The following UBE2E2 variants were observed in gnomAD, a reference collection of about 807,000 sequenced individuals.
The protein encoded by UBE2E2 is ubiquitin conjugating enzyme E2 E2.
Under a neutral mutation model 24.7 loss-of-function variants are expected in UBE2E2, and 6 were observed. The ratio of observed to expected loss-of-function variants is 0.24; its 90% confidence interval spans 0.13 to 0.48. The LOEUF (loss-of-function observed/expected upper bound fraction) is 0.48. UBE2E2 is among the 20% of genes least tolerant of loss of function. UBE2E2 has a pLI of 0.99. For synonymous variants in UBE2E2, 104 were observed against 83.6 expected (o/e 1.24, Z -1.33); for missense variants, 169 against 245.0 (o/e 0.69, Z 2.07).
intron 3 of UBE2E2, among the ~76,000 whole-genome samples, chr3:23,495,526 G>A (rs1392243520): frequency 1.3e-5 from 2 of 152,130 alleles, no homozygotes; most frequent in Non-Finnish European, 2.9e-5. Flanking sequence ...AGCTGTATAC[G>A]CTCACCTGTG....
chr3:23,228,635 AT>A (rs1696890057), intron 3 of UBE2E2, among the ~76,000 whole-genome samples: 1 of 152,078 alleles, frequency 6.6e-6, no homozygotes, highest in African/African-American at 2.4e-5. Flanking sequence ...TGATTTTTGC[AT>A]TTTTGTTGTC....
intron 4 of UBE2E2, among the ~76,000 whole-genome samples, chr3:23,508,166 G>A (rs1424776698): frequency 6.6e-6 from 1 of 152,138 alleles, no homozygotes; most frequent in Non-Finnish European, 1.5e-5. Flanking sequence ...CTTAAATGTT[G>A]TGTGAAATCC....
chr3:23,316,248 G>T (rs1190706752), intron 3 of UBE2E2, among the ~76,000 whole-genome samples: 1 of 152,078 alleles, frequency 6.6e-6, no homozygotes, highest in Non-Finnish European at 1.5e-5. Context: ...CCATCCAAGA[G>T]CGAGGGCCCG....
rs115095185 is a variant in UBE2E2, at chr3:23,357,882, A to C, written c.227+140570A>C. 8.7e-3 allele frequency among the ~76,000 whole-genome samples: 1,331 copies of C among 152,294 alleles called. 28 individuals carry two copies. Among genetic ancestry groups the C allele is most frequent in the African/African-American group, 0.031 (1,290 of 41,548 alleles). ...GACACAAGGTCTCACGCTATCACCC[A>C]GGCTGGCATGCACTGGCACAATCAC... On this transcript the variant is annotated intron_variant, in intron 3 of 5. Coordinates refer to ENST00000396703, the MANE Select transcript of UBE2E2 (RefSeq NM_152653.4).
intron 3 of UBE2E2, among the ~76,000 whole-genome samples, chr3:23,437,154 C>T (rs1173160909): frequency 6.6e-6 from 1 of 152,202 alleles, no homozygotes; most frequent in Non-Finnish European, 1.5e-5. Context: ...CTTCCACTTC[C>T]CACACACGCC....
chr3:23,272,023 C>T (rs751589168), intron 3 of UBE2E2, among the ~76,000 whole-genome samples: 4 of 152,204 alleles, frequency 2.6e-5, no homozygotes, highest in Non-Finnish European at 4.4e-5. Context: ...TCCCGCACGG[C>T]GCCTGCACTT....
chr3:23,303,397 C>A (rs181939172), intron 3 of UBE2E2, among the ~76,000 whole-genome samples: 1 of 152,254 alleles, frequency 6.6e-6, no homozygotes, highest in East Asian at 1.9e-4. Context: ...AAATTGTCTT[C>A]CCCTAAACCA....
intron 3 of UBE2E2, among the ~76,000 whole-genome samples, chr3:23,264,873 C>T (rs1395589622): frequency 1.3e-5 from 2 of 152,130 alleles, no homozygotes; most frequent in Non-Finnish European, 2.9e-5. Context: ...AAGTGATTGT[C>T]TTACAAGTGA....
chr3:23,221,308 T>C (rs1031174673), intron 3 of UBE2E2, among the ~76,000 whole-genome samples: 3 of 152,226 alleles, frequency 2.0e-5, no homozygotes, highest in Non-Finnish European at 4.4e-5. Context: ...AACAGCTTTA[T>C]TGAGATATAA....
chr3:23,209,342 G>A (rs752036159), intron 2 of UBE2E2, among the ~76,000 whole-genome samples: 27 of 152,126 alleles, frequency 1.8e-4, no homozygotes, highest in Admixed American at 9.8e-4. Context: ...CATTACATTA[G>A]TCAGTGGATC....
At chr3:23,530,684 C>T (rs535249099) in intron 4 of UBE2E2, among the ~76,000 whole-genome samples, 2 of 152,258 alleles carry the variant, frequency 1.3e-5, no homozygotes, top group African/African-American at 4.8e-5. Flanking sequence ...TAAGGCATAT[C>T]TTTTCAAGTC....
intron 3 of UBE2E2, among the ~76,000 whole-genome samples, chr3:23,319,522 A>G (rs1694685164): frequency 6.6e-6 from 1 of 152,082 alleles, no homozygotes; most frequent in East Asian, 1.9e-4. Context: ...TCTTACAACA[A>G]TCCTGTGACC....
intron 3 of UBE2E2, among the ~76,000 whole-genome samples, chr3:23,453,508 T>G (rs1357133101): frequency 1.3e-5 from 2 of 152,178 alleles, no homozygotes; most frequent in Non-Finnish European, 2.9e-5. Context: ...CTACTTTCTC[T>G]TTCCACATAT....
At chr3:23,414,024 G>A (rs1697560743) in intron 3 of UBE2E2, among the ~76,000 whole-genome samples, 1 of 152,098 alleles carries the variant, frequency 6.6e-6, no homozygotes, top group Non-Finnish European at 1.5e-5. Flanking sequence ...CCCTTCCTTA[G>A]GAACTCTTAA....
intron 5 of UBE2E2, among the ~76,000 whole-genome samples, chr3:23,535,461 A>G (rs1695233380): frequency 6.6e-6 from 1 of 152,142 alleles, no homozygotes; most frequent in Non-Finnish European, 1.5e-5. Context: ...TAGTAGGATT[A>G]TCACTCAGGT....
In UBE2E2 at chr3:23,407,685, G is replaced by GTGTT. The variant is rs1214052351; in HGVS notation, c.228-91920_228-91919insTTGT. ...TGTGTGTGTGTGTGTGTGTGTGTGT[G>GTGTT]TGTGTAGTATTTCAGAGAAAATCCC... is the stretch of plus-strand genomic sequence containing the variant. On this transcript the variant is annotated intron_variant, in intron 3 of 5. Transcript: ENST00000396703. This position sits in a 1 kb window ranked among gnomAD's most constrained non-coding sequence, Gnocchi z 4.0. 7.0e-6 allele frequency among the ~76,000 whole-genome samples: 1 copy of GTGTT among 142,954 alleles called. No homozygotes were observed. Among genetic ancestry groups the GTGTT allele is most frequent in the Non-Finnish European group, 1.5e-5 (1 of 65,620 alleles). 93.8% of individuals were successfully genotyped at this position (142,954 alleles called of 152,430 possible).
At chr3:23,546,753 A>G (rs1009142945) in intron 5 of UBE2E2, among the ~76,000 whole-genome samples, 5 of 152,020 alleles carry the variant, frequency 3.3e-5, no homozygotes, top group African/African-American at 1.2e-4. Flanking sequence ...GATTACAGGC[A>G]TGAGCCACCG....
At chr3:23,400,930 G>C (rs1697207467) in intron 3 of UBE2E2, among the ~76,000 whole-genome samples, 1 of 152,200 alleles carries the variant, frequency 6.6e-6, no homozygotes, top group Admixed American at 6.5e-5. Context: ...TGAGTTTGAA[G>C]AGACAGGCTG....
chr3:23,452,356 TGTTA>T (rs1397134598), intron 3 of UBE2E2, among the ~76,000 whole-genome samples: 8 of 152,118 alleles, frequency 5.3e-5, no homozygotes, highest in Admixed American at 4.6e-4. Context: ...TTTTTTTTTC[TGTTA>T]GTGAGTAGAC....
Sources: allele counts gnomAD v4.1 joint callset (sites outside exome capture counted in the v4.1 genomes callset), GRCh38; gene constraint gnomAD v4.1.1; non-coding constraint Gnocchi (gnomAD v3.1); transcripts MANE v1.5; gene names NCBI Gene and HGNC (gene_info 2026-07-23, HGNC 2026-07-21).